The following CHST11 variants were observed in gnomAD, a reference collection of about 807,000 sequenced individuals.
The protein encoded by CHST11 is C4S-1.
A neutral mutation model predicts 30.4 loss-of-function variants in CHST11; 9 were observed. The observed-to-expected ratio is 0.30, with a 90% CI of 0.18 to 0.52. The LOEUF (loss-of-function observed/expected upper bound fraction) is 0.52, where lower values mean the gene tolerates loss of function less well. Among genes scored for constraint, CHST11 ranks in the 20% least tolerant of loss-of-function variants. The pLI is 0.97. For synonymous variants in CHST11, 152 were observed against 187.8 expected (o/e 0.81, Z 1.56); for missense variants, 348 against 460.6 (o/e 0.76, Z 2.24).
intron 2 of CHST11, among the ~76,000 whole-genome samples, chr12:104,742,526 G>C (rs2040355463): frequency 6.6e-6 from 1 of 152,174 alleles, no homozygotes; most frequent in South Asian, 2.1e-4. Flanking sequence ...AAGCAGTGTG[G>C]GAGCTGCATC....
intron 1 of CHST11, among the ~76,000 whole-genome samples, chr12:104,561,018 G>T (rs926554175): frequency 2.0e-5 from 3 of 152,208 alleles, no homozygotes; most frequent in Non-Finnish European, 1.5e-5. Flanking sequence ...ACTTAGAGGG[G>T]CTTGGCTTAG....
intron 2 of CHST11, among the ~76,000 whole-genome samples, chr12:104,753,278 C>T (rs1302562836): frequency 6.6e-6 from 1 of 152,194 alleles, no homozygotes; most frequent in African/African-American, 2.4e-5. Context: ...TGTGTTGGTG[C>T]GTCTGACGGA....
At chr12:104,555,418 C>T (rs2038445669) in intron 1 of CHST11, among the ~76,000 whole-genome samples, 1 of 152,164 alleles carries the variant, frequency 6.6e-6, no homozygotes, top group Admixed American at 6.5e-5. Flanking sequence ...CTGGAGTGAC[C>T]TGAGAAGATA....
chr12:104,515,706 A>G (rs145972536), intron 1 of CHST11, among the ~76,000 whole-genome samples: 1 of 152,282 alleles, frequency 6.6e-6, no homozygotes, highest in Non-Finnish European at 1.5e-5. Flanking sequence ...GATGGATGAT[A>G]TGGAAGGGCA....
At chr12:104,716,274 C>CT (rs1256818151) in intron 2 of CHST11, among the ~76,000 whole-genome samples, 1 of 152,206 alleles carries the variant, frequency 6.6e-6, no homozygotes, top group Non-Finnish European at 1.5e-5. Flanking sequence ...GCCCCCATCC[C>CT]TTGTCATTTC....
chr12:104,516,168 C>T (rs2038020776), intron 1 of CHST11, among the ~76,000 whole-genome samples: 1 of 152,130 alleles, frequency 6.6e-6, no homozygotes, highest in Non-Finnish European at 1.5e-5. Flanking sequence ...AGTTTAGTAG[C>T]ATTCCTGGCC....
chr12:104,674,794 G>A (rs1450830229), intron 2 of CHST11, among the ~76,000 whole-genome samples: 1 of 151,788 alleles, frequency 6.6e-6, no homozygotes, highest in Non-Finnish European at 1.5e-5. Context: ...AGGATATAAT[G>A]CCCTTGTCTT....
At chr12:104,653,128 C>T (rs576325871) in intron 2 of CHST11, among the ~76,000 whole-genome samples, 9 of 152,258 alleles carry the variant, frequency 5.9e-5, no homozygotes, top group South Asian at 2.1e-4. Flanking sequence ...ATCTCTATAC[C>T]GTTTGAACAA....
At chr12:104,462,217 G>A (rs1190916939) in intron 1 of CHST11, among the ~76,000 whole-genome samples, 2 of 142,294 alleles carry the variant, frequency 1.4e-5, no homozygotes, top group Non-Finnish European at 3.1e-5. Flanking sequence ...AAATTTAGGA[G>A]GTATAGAAGA....
chr12:104,655,315 T>C (rs1391395561), intron 2 of CHST11, among the ~76,000 whole-genome samples: 1 of 152,242 alleles, frequency 6.6e-6, no homozygotes, highest in Middle Eastern at 3.2e-3. Flanking sequence ...ACAGCATTTC[T>C]TTTAATTCTT....
chr12:104,538,515 G>A lies in CHST11; in HGVS notation c.119-63391G>A, dbSNP rs533822422. Among the ~76,000 whole-genome samples the A allele has an allele frequency of 4.6e-5, 7 of 152,208 alleles. No homozygotes were observed. The South Asian group carries it at 1.0e-3, about 23-fold the overall frequency. On this transcript the variant is annotated intron_variant, in intron 1 of 2. Transcript: ENST00000303694. Reference sequence around the variant, plus strand: ...ATTCTTTGGGAGAGAGTCATTATACGCAGCCTAAAGTTATGGAGAATGTTA... The same window carrying A: ...ATTCTTTGGGAGAGAGTCATTATACACAGCCTAAAGTTATGGAGAATGTTA...
chr12:104,541,130 T>TCACACACACACACA (rs71069763), intron 1 of CHST11, among the ~76,000 whole-genome samples: 3 of 146,678 alleles, frequency 2.0e-5, no homozygotes, highest in African/African-American at 7.6e-5. Flanking sequence ...TCTCTCTCTC[T>TCACACACACACACA]CACACACACA....
intron 1 of CHST11, among the ~76,000 whole-genome samples, chr12:104,541,122 T>TCACACACA (rs756684710): frequency 3.2e-5 from 2 of 63,088 alleles, no homozygotes; most frequent in Non-Finnish European, 3.2e-5. Context: ...TCCCTCTCTC[T>TCACACACA]CTCTCTCTCA....
intron 2 of CHST11, among the ~76,000 whole-genome samples, chr12:104,608,121 C>T (rs1377483535): frequency 6.6e-6 from 1 of 151,988 alleles, no homozygotes; most frequent in Non-Finnish European, 1.5e-5. Context: ...TTTCAAAGCT[C>T]CCTAAGTGAT....
intron 1 of CHST11, among the ~76,000 whole-genome samples, chr12:104,579,136 A>C (rs1354842916): frequency 6.6e-6 from 1 of 152,168 alleles, no homozygotes; most frequent in African/African-American, 2.4e-5. Flanking sequence ...GAAGAGCAGA[A>C]GCTCTGCTTG....
chr12:104,493,568 C>T (rs552151243), intron 1 of CHST11, among the ~76,000 whole-genome samples: 2 of 152,268 alleles, frequency 1.3e-5, no homozygotes, highest in Non-Finnish European at 2.9e-5. Context: ...TGTCAAATGC[C>T]TCAGAAGTGG....
chr12:104,727,065 G>GA (rs2040222363), intron 2 of CHST11, among the ~76,000 whole-genome samples: 4 of 152,138 alleles, frequency 2.6e-5, no homozygotes, highest in Non-Finnish European at 5.9e-5. Context: ...GGTCTCTAGG[G>GA]ATCCAAAAGG....
chr12:104,531,023 G>A lies in CHST11; in HGVS notation c.119-70883G>A. Among the ~76,000 whole-genome samples, 2 of 152,216 alleles carry A rather than the reference G, an allele frequency of 1.3e-5. 1 individual carries two copies. Among genetic ancestry groups the A allele is most frequent in the Non-Finnish European group, 2.9e-5 (2 of 68,040 alleles). ...TATAAATCCCAGTGAGGCTAATTTA[G>A]TGGAGCTGTAGCCAGCTTTCATGTT... On this transcript the variant is annotated intron_variant, in intron 1 of 2. Transcript: ENST00000303694.
At chr12:104,524,093 A>T (rs1434419790) in intron 1 of CHST11, among the ~76,000 whole-genome samples, 1 of 144,190 alleles carries the variant, frequency 6.9e-6, no homozygotes, top group Non-Finnish European at 1.5e-5. Flanking sequence ...CTGCAGCAAG[A>T]CTTGTTTTCT....
Sources: gnomAD v4.1 joint callset for allele counts (sites outside exome capture counted in the v4.1 genomes callset) on GRCh38, gnomAD v4.1.1 for gene constraint, MANE v1.5 for transcripts, NCBI Gene and HGNC (gene_info 2026-07-23, HGNC 2026-07-21) for gene names.